Variants in RPL27A observed in about 807,000 individuals in gnomAD.
The protein encoded by RPL27A is ribosomal protein L27a, also known as large ribosomal subunit protein uL15.
For missense variants in RPL27A, 118 were observed against 189.4 expected (o/e 0.62, Z 2.21); for synonymous variants, 69 against 68.3 (o/e 1.01, Z -0.05).
Position 8,683,771 on chromosome 11 carries a change from G to A in RPL27A, c.68-235G>A, listed in dbSNP as rs1027449427. Reference sequence around the variant, plus strand: ...CGGCTCACTGCAACCCCTGCCTGCCGGGCTCAAGCGATTCTCCTGCCTCAG... The same window carrying A: ...CGGCTCACTGCAACCCCTGCCTGCCAGGCTCAAGCGATTCTCCTGCCTCAG... On this transcript the variant is annotated intron_variant, in intron 2 of 4. Transcript: ENST00000314138. The A allele has an allele frequency of 5.5e-6, 3 of 549,510 alleles. No individual in the cohort carries two copies. In the East Asian group the frequency reaches 9.8e-5, roughly 18 times the overall value. The allele number at this position is 549,510 out of a possible 1,614,324, so 34.0% of individuals were successfully genotyped here.
Position 8,683,499 on chromosome 11 carries a change from T to G in RPL27A, c.67+234T>G, listed in dbSNP as rs1022789673. 1.4e-5 allele frequency: 8 copies of G among 584,264 alleles called. No individual in the cohort carries two copies. The South Asian group carries it at 1.6e-4, about 12-fold the overall frequency. 36.2% of individuals were successfully genotyped at this position (584,264 alleles called of 1,614,324 possible). On this transcript the variant is annotated intron_variant, in intron 2 of 4. Transcript: ENST00000314138. ...TGGGTTAGTTGAAGACATGGAGTAC[T>G]GTGGGAATGCTGTGATGTGGAACCT...
At position 8,687,392 on chromosome 11, in the gene RPL27A, A is replaced by G. The variant is rs1057198; in HGVS notation, c.*1586A>G. On this transcript the variant is annotated 3_prime_UTR_variant, in exon 5 of 5. Coordinates refer to ENST00000314138, the MANE Select transcript of RPL27A (RefSeq NM_000990.5). ...GGGCAACAAGAGTGAAACTCTGTCC[A>G]CCCCCCCCAAAAAAAGTAAGGGCTC... 2.6e-5 allele frequency: 3 copies of G among 116,818 alleles called. No homozygotes were observed. The highest frequency in any genetic ancestry group is 5.4e-5 in the Non-Finnish European group (3 of 55,278). 7.2% of individuals were successfully genotyped at this position (116,818 alleles called of 1,614,324 possible).
chr11:8,686,132 G>C lies in RPL27A; in HGVS notation c.*326G>C, dbSNP rs1592237997. ...TTGTTCAACAGGGCTCAAAAGGAAAGATTCCATTTTGATGGGTCACATTCT... is the reference window on the plus strand; with the variant it reads ...TTGTTCAACAGGGCTCAAAAGGAAACATTCCATTTTGATGGGTCACATTCT... On this transcript the variant is annotated 3_prime_UTR_variant, in exon 5 of 5. Transcript: ENST00000314138. 4.4e-6 allele frequency: 1 copy of C among 229,314 alleles called. No homozygotes were observed. Among genetic ancestry groups the C allele is most frequent in the South Asian group, 7.8e-5 (1 of 12,880 alleles). 14.2% of individuals were successfully genotyped at this position (229,314 alleles called of 1,614,324 possible).
At position 8,683,161 on chromosome 11, in the gene RPL27A, C is replaced by G. The variant is rs760857841; in HGVS notation, c.4-41C>G. ...CGGCTGGCGGGCATCGCCCCCTGCC[C>G]CTAATTCCTTAGGCCTTACCACCAA... is the stretch of plus-strand genomic sequence containing the variant. On this transcript the variant is annotated intron_variant, in intron 1 of 4. Coordinates refer to ENST00000314138, the MANE Select transcript of RPL27A (RefSeq NM_000990.5). The G allele has an allele frequency of 1.4e-5, 22 of 1,600,356 alleles. No homozygotes were observed. In the East Asian group the frequency reaches 4.2e-4, roughly 31 times the overall value.
In RPL27A at chr11:8,682,835, G is replaced by C; in HGVS notation, c.3+19G>C. The C allele has an allele frequency of 3.7e-6, 6 of 1,610,582 alleles. No individual in the cohort carries two copies. Among genetic ancestry groups the C allele is most frequent in the Non-Finnish European group, 5.1e-6 (6 of 1,178,198 alleles). The stretch of plus-strand genomic sequence containing the variant: ...CAACATGGTAGGTGTTTCGTTTCTT[G>C]CCTCCTCTTCCTTGCCGGCGGAGAC... On this transcript the variant is annotated intron_variant, in intron 1 of 4. Transcript: ENST00000314138.
At chr11:8,683,156 C>G (rs778843586) in intron 1 of RPL27A, 46 bp from the exon 2 acceptor site, 1 of 1,574,666 alleles carries the variant, frequency 6.4e-7, no homozygotes, top group Non-Finnish European at 8.7e-7. Flanking sequence ...GCATCGCCCC[C>G]TGCCCCTAAT....
intron 2 of RPL27A, 140 bp from the exon 3 acceptor site, chr11:8,683,866 A>G (rs1335470314): frequency 2.7e-6 from 2 of 731,364 alleles, no homozygotes; most frequent in Non-Finnish European, 5.0e-6. Flanking sequence ...TTTTTAGTAG[A>G]GTCGGGGGTT....
At chr11:8,683,155 C>G (rs770360307) in intron 1 of RPL27A, 47 bp from the exon 2 acceptor site, 1 of 1,573,700 alleles carries the variant, frequency 6.4e-7, no homozygotes, top group Non-Finnish European at 8.7e-7. Flanking sequence ...GGCATCGCCC[C>G]CTGCCCCTAA....
rs1224266010 is a variant in RPL27A, at chr11:8,689,113, T to G, written c.*3307T>G. The G allele has an allele frequency of 1.3e-5, 2 of 152,150 alleles. No individual in the cohort carries two copies. Among genetic ancestry groups the G allele is most frequent in the East Asian group, 1.9e-4 (1 of 5,188 alleles). The allele number at this position is 152,150 out of a possible 1,614,324, so 9.4% of individuals were successfully genotyped here. On this transcript the variant is annotated 3_prime_UTR_variant, in exon 5 of 5. Transcript: ENST00000314138. ...CCAGTGGTGCGCGAGCGCAGATAAC[T>G]CCCCTGGAGAGGCGGGATGTTCAAC... is the stretch of plus-strand genomic sequence containing the variant.
intron 1 of RPL27A, 66 bp downstream of exon 1, chr11:8,682,882 C>T (rs1487082590): frequency 3.2e-6 from 5 of 1,546,416 alleles, no homozygotes; most frequent in African/African-American, 2.8e-5. Flanking sequence ...ATTCCCATTG[C>T]CCCTAGTCAT....
At position 8,682,826 on chromosome 11, in the gene RPL27A, T is replaced by A. The variant is rs1565589278; in HGVS notation, c.3+10T>A. On this transcript the variant is annotated intron_variant, in intron 1 of 4. Transcript: ENST00000314138. ...CTGGGCTGCCAACATGGTAGGTGTT[T>A]CGTTTCTTGCCTCCTCTTCCTTGCC... is the stretch of plus-strand genomic sequence containing the variant. 1 of 1,611,934 alleles carries A rather than the reference T, an allele frequency of 6.2e-7. No homozygotes were observed. Among genetic ancestry groups the A allele is most frequent in the South Asian group, 1.1e-5 (1 of 90,926 alleles).
In RPL27A at chr11:8,688,503, TACTAAAATATTTTC is replaced by T. The variant is rs1299078076; in HGVS notation, c.*2699_*2712del. 6.6e-6 allele frequency: 1 copy of T among 152,222 alleles called. No homozygotes were observed. Among genetic ancestry groups the T allele is most frequent in the East Asian group, 1.9e-4 (1 of 5,206 alleles). 9.4% of individuals were successfully genotyped at this position (152,222 alleles called of 1,614,324 possible). A position where few individuals can be genotyped will look rare whatever the true frequency, so the allele number is the denominator to read the frequency against. ...TCCAGTGCTTTCTTGAACCCGCATT[TACTAAAATATTTTC>T]ATGACTGCCAAGCTTTGAATAGCCT... On this transcript the variant is annotated 3_prime_UTR_variant, in exon 5 of 5. Transcript: ENST00000314138.
intron 2 of RPL27A, 87 bp from the exon 3 acceptor site, chr11:8,683,919 T>A: frequency 9.7e-7 from 1 of 1,035,048 alleles, no homozygotes; most frequent in African/African-American, 1.6e-5. Flanking sequence ...TGACCTCAGG[T>A]GATCTACCCC....
intron 1 of RPL27A, 94 bp downstream of exon 1, chr11:8,682,910 C>G: frequency 6.9e-7 from 1 of 1,453,406 alleles, no homozygotes; most frequent in Non-Finnish European, 9.3e-7. Context: ...CTACCATGGT[C>G]GGGGCTTCCA....
intron 4 of RPL27A, 55 bp downstream of exon 4, chr11:8,684,947 G>T (rs745826645): frequency 7.8e-6 from 12 of 1,539,404 alleles, no homozygotes; most frequent in Non-Finnish European, 4.5e-6. Context: ...CAAAACTCTG[G>T]CTTAATCTAA....
rs1232868932 is a variant in RPL27A, at chr11:8,685,936, C to CCCATATGAAGAT, written c.*130_*131insCCATATGAAGAT. 5.0e-6 allele frequency: 4 copies of CCCATATGAAGAT among 807,354 alleles called. No homozygotes were observed. The African/African-American group carries it at 6.9e-5, about 14-fold the overall frequency. 50.0% of individuals were successfully genotyped at this position (807,354 alleles called of 1,614,324 possible). On this transcript the variant is annotated 3_prime_UTR_variant, in exon 5 of 5. Coordinates refer to ENST00000314138, the MANE Select transcript of RPL27A (RefSeq NM_000990.5). ...GGTTCTAGTACTTAGGGTATGAAGA[C>CCCATATGAAGAT]ATGGGGTCCTCTCCTGACTTCCCTC...
intron 3 of RPL27A, chr11:8,684,384 G>A: frequency 1.4e-6 from 1 of 720,334 alleles, no homozygotes; most frequent in East Asian, 2.7e-5. Flanking sequence ...ACAAACTAGT[G>A]GATGATAAAT....
At position 8,688,866 on chromosome 11, in the gene RPL27A, C is replaced by G. The variant is rs973480180; in HGVS notation, c.*3060C>G. On this transcript the variant is annotated 3_prime_UTR_variant, in exon 5 of 5. Transcript: ENST00000314138. ...AGCGCGGGCGGAAGCTGTGCAGCGC[C>G]CACCTGGTGGCTCCATCGGCCGCGT... 6 of 152,294 alleles carry G rather than the reference C, an allele frequency of 3.9e-5. No homozygotes were observed. Among genetic ancestry groups the G allele is most frequent in the Non-Finnish European group, 7.3e-5 (5 of 68,072 alleles). 9.4% of individuals were successfully genotyped at this position (152,294 alleles called of 1,614,324 possible).
intron 2 of RPL27A, 86 bp from the exon 3 acceptor site, chr11:8,683,919 TG>T (rs1195067704): frequency 9.7e-7 from 1 of 1,035,048 alleles, no homozygotes; most frequent in African/African-American, 1.6e-5. Flanking sequence ...TGACCTCAGG[TG>T]ATCTACCCCC....
Sources: gnomAD v4.1 joint callset for allele counts on GRCh38, gnomAD v4.1.1 for gene constraint, MANE v1.5 for transcripts, NCBI Gene and HGNC (gene_info 2026-07-23, HGNC 2026-07-21) for gene names.